The following COMMD10 variants were observed in gnomAD, a reference collection of about 807,000 sequenced individuals.
The protein encoded by COMMD10 is COMM domain containing 10, also known as COMM domain-containing protein 10.
COMMD10 carries 33 observed loss-of-function variants against 28.9 expected under a neutral mutation model. The observed-to-expected ratio is 1.14, with a 90% CI of 0.87 to 1.53. The LOEUF (loss-of-function observed/expected upper bound fraction) is 1.53. Ranked by LOEUF, COMMD10 falls within the 40% of genes most tolerant of loss-of-function variation. COMMD10 has a pLI of 0.00. For synonymous variants in COMMD10, 110 were observed against 81.7 expected (o/e 1.35, Z -1.87); for missense variants, 310 against 233.4 (o/e 1.33, Z -2.14).
intron 5 of COMMD10, among the ~76,000 whole-genome samples, chr5:116,269,388 A>C (rs1225758227): frequency 6.6e-6 from 1 of 151,906 alleles, no homozygotes; most frequent in Non-Finnish European, 1.5e-5. Context: ...GAACCAAGTT[A>C]TACTGAGATC....
At chr5:116,123,368 C>T (rs866815061) in intron 4 of COMMD10, among the ~76,000 whole-genome samples, 9 of 152,084 alleles carry the variant, frequency 5.9e-5, no homozygotes, top group South Asian at 2.1e-4. Flanking sequence ...TGATGGATTA[C>T]GTTTATTGAT....
intron 5 of COMMD10, among the ~76,000 whole-genome samples, chr5:116,188,154 A>G (rs1293404073): frequency 1.3e-5 from 2 of 152,140 alleles, no homozygotes; most frequent in African/African-American, 2.4e-5. Context: ...TATTTGACCA[A>G]TTAGTACTCA....
At chr5:116,224,402 A>G (rs1036847091) in intron 5 of COMMD10, among the ~76,000 whole-genome samples, 1 of 152,142 alleles carries the variant, frequency 6.6e-6, no homozygotes, top group African/African-American at 2.4e-5. Context: ...TGGGTAATTT[A>G]CAAAGGAATG....
At chr5:116,186,881 G>A (rs376669906) in intron 5 of COMMD10, among the ~76,000 whole-genome samples, 2 of 152,094 alleles carry the variant, frequency 1.3e-5, no homozygotes, top group South Asian at 4.2e-4. Flanking sequence ...AAGCACTGTA[G>A]CCCGTAATGC....
chr5:116,225,212 G>C (rs1017985164), intron 5 of COMMD10, among the ~76,000 whole-genome samples: 3 of 151,766 alleles, frequency 2.0e-5, no homozygotes, highest in African/African-American at 7.3e-5. Context: ...TTTTTCTTCA[G>C]TTCTTTGAAT....
intron 2 of COMMD10, among the ~76,000 whole-genome samples, chr5:116,088,390 C>T (rs1750181022): frequency 6.6e-6 from 1 of 152,186 alleles, no homozygotes; most frequent in South Asian, 2.1e-4. Context: ...GGTTTCCCTG[C>T]CTATAGTCTT....
chr5:116,199,495 T>C (rs1186671840), intron 5 of COMMD10, among the ~76,000 whole-genome samples: 2 of 152,170 alleles, frequency 1.3e-5, no homozygotes, highest in Non-Finnish European at 2.9e-5. Context: ...TTCTTTCTTT[T>C]ATGGACTGTA....
At chr5:116,256,916 AACTCTTTTATTAGACTT>A (rs1259961574) in intron 5 of COMMD10, among the ~76,000 whole-genome samples, 1 of 151,768 alleles carries the variant, frequency 6.6e-6, no homozygotes, top group Non-Finnish European at 1.5e-5. Flanking sequence ...ACTGATAAAC[AACTCTTTTATTAGACTT>A]ACTCACACAT....
At chr5:116,091,219 A>G in intron 3 of COMMD10, 30 bp downstream of exon 3, 1 of 1,268,036 alleles carries the variant, frequency 7.9e-7, no homozygotes, top group Middle Eastern at 2.1e-4. Flanking sequence ...TTTTCTAGCC[A>G]TGATTTGTTT....
intron 5 of COMMD10, among the ~76,000 whole-genome samples, chr5:116,251,863 C>T (rs1391443360): frequency 2.0e-5 from 3 of 152,072 alleles, no homozygotes; most frequent in African/African-American, 2.4e-5. Flanking sequence ...CCTGAGGATT[C>T]GCCACACTGA....
intron 4 of COMMD10, among the ~76,000 whole-genome samples, chr5:116,118,198 T>C (rs1751305534): frequency 6.6e-6 from 1 of 152,090 alleles, no homozygotes; most frequent in African/African-American, 2.4e-5. Context: ...TCAGTGAATC[T>C]TTCCCTGATA....
chr5:116,197,962 G>A (rs568213795), intron 5 of COMMD10, among the ~76,000 whole-genome samples: 1 of 152,188 alleles, frequency 6.6e-6, no homozygotes, highest in African/African-American at 2.4e-5. Flanking sequence ...TTATTACCTG[G>A]AAGGCTTTAC....
chr5:116,202,459 A>G (rs922011894), intron 5 of COMMD10, among the ~76,000 whole-genome samples: 3 of 152,086 alleles, frequency 2.0e-5, no homozygotes, highest in African/African-American at 7.2e-5. Context: ...AGGAATCGCC[A>G]CACAGACTTC....
intron 5 of COMMD10, among the ~76,000 whole-genome samples, chr5:116,245,956 T>A (rs1199838088): frequency 6.6e-6 from 1 of 152,088 alleles, no homozygotes; most frequent in African/African-American, 2.4e-5. Context: ...ACCACTCCTA[T>A]TCAACATAGT....
chr5:116,243,269 A>C (rs1362572219), intron 5 of COMMD10, among the ~76,000 whole-genome samples: 2 of 152,180 alleles, frequency 1.3e-5, no homozygotes, highest in Non-Finnish European at 2.9e-5. Context: ...GAAAGCCAAG[A>C]TCAGACTGAC....
At chr5:116,128,911 A>G (rs1394710959) in intron 4 of COMMD10, among the ~76,000 whole-genome samples, 1 of 151,938 alleles carries the variant, frequency 6.6e-6, no homozygotes, top group East Asian at 1.9e-4. Context: ...TTTGCAGAAT[A>G]TCACACCTAC....
At chr5:116,233,721 G>A (rs73780898) in intron 5 of COMMD10, among the ~76,000 whole-genome samples, 11,951 of 152,148 alleles carry the variant, frequency 0.079, 898 homozygotes, top group African/African-American at 0.19. Context: ...AAGTCCCTGA[G>A]AAGAAAGTGA....
chr5:116,207,823 A>G (rs1295920686), intron 5 of COMMD10, among the ~76,000 whole-genome samples: 1 of 152,070 alleles, frequency 6.6e-6, no homozygotes, highest in Non-Finnish European at 1.5e-5. Context: ...CCTGCCAAAA[A>G]TCAGTATTTT....
chr5:116,230,008 A>C, intron 5 of COMMD10, among the ~76,000 whole-genome samples: 1 of 151,946 alleles, frequency 6.6e-6, no homozygotes, highest in Non-Finnish European at 1.5e-5. Context: ...TTAATGATTC[A>C]ATCAATTGAG....
Sources: allele counts gnomAD v4.1 joint callset (sites outside exome capture counted in the v4.1 genomes callset), GRCh38; gene constraint gnomAD v4.1.1; transcripts MANE v1.5; gene names NCBI Gene and HGNC (gene_info 2026-07-23, HGNC 2026-07-21).